The following CCDC146 variants were observed in gnomAD, a reference collection of about 807,000 sequenced individuals.
CCDC146 encodes the protein coiled-coil domain containing 146, also known as coiled-coil domain-containing protein 146.
CCDC146 carries 92 observed loss-of-function variants against 119.3 expected under a neutral mutation model. The observed-to-expected ratio is 0.77, with a 90% CI of 0.65 to 0.92. The LOEUF (loss-of-function observed/expected upper bound fraction) is 0.92. Among genes scored for constraint, CCDC146 ranks in the 40% least tolerant of loss-of-function variants. The pLI is 0.00. For synonymous variants in CCDC146, 372 were observed against 371.8 expected (o/e 1.00, Z -0.01); for missense variants, 1,000 against 1,103.0 (o/e 0.91, Z 1.32).
intron 1 of CCDC146, among the ~76,000 whole-genome samples, chr7:77,136,695 A>T (rs1790864280): frequency 6.6e-6 from 1 of 152,216 alleles, no homozygotes; most frequent in Non-Finnish European, 1.5e-5. Context: ...CAAAGCCTTT[A>T]AGGAAAAAAT....
intron 4 of CCDC146, among the ~76,000 whole-genome samples, chr7:77,254,054 A>G (rs1214125317): frequency 6.6e-6 from 1 of 152,146 alleles, no homozygotes; most frequent in Admixed American, 6.5e-5. Context: ...AAGTGAAGTG[A>G]TCTTATTTAC....
intron 2 of CCDC146, among the ~76,000 whole-genome samples, chr7:77,218,088 A>G (rs142119737): frequency 3.9e-5 from 6 of 152,218 alleles, no homozygotes; most frequent in Non-Finnish European, 7.4e-5. Flanking sequence ...TTGTGCTACA[A>G]TGTCAGGACA....
At chr7:77,186,674 CT>C (rs1791672505) in intron 2 of CCDC146, among the ~76,000 whole-genome samples, 1 of 151,924 alleles carries the variant, frequency 6.6e-6, no homozygotes, top group Non-Finnish European at 1.5e-5. Context: ...ATGAATGCCC[CT>C]ATAAACACTT....
intron 2 of CCDC146, among the ~76,000 whole-genome samples, chr7:77,171,490 C>T (rs952073317): frequency 2.5e-4 from 38 of 152,224 alleles, no homozygotes; most frequent in South Asian, 2.1e-4. Flanking sequence ...CATAGCTGCT[C>T]TCTCACTCCC....
Position 77,188,823 on chromosome 7 carries a change from C to A in CCDC146, c.156+20999C>A, listed in dbSNP as rs59328838. 5.6e-3 allele frequency among the ~76,000 whole-genome samples: 855 copies of A among 152,268 alleles called. 7 individuals are homozygous for A. The highest frequency in any genetic ancestry group is 0.019 in the African/African-American group (805 of 41,546). ...ATCTAACGTAATCTAAAATAAGTAT[C>A]TATTGCAATGGGAATGAATCTCTGC... is the stretch of plus-strand genomic sequence containing the variant. On this transcript the variant is annotated intron_variant, in intron 2 of 18. Coordinates refer to ENST00000285871, the MANE Select transcript of CCDC146 (RefSeq NM_020879.3).
chr7:77,155,197 G>A (rs1050702143), intron 1 of CCDC146, among the ~76,000 whole-genome samples: 1 of 152,204 alleles, frequency 6.6e-6, no homozygotes, highest in Non-Finnish European at 1.5e-5. Context: ...TATAAGAACA[G>A]TGTTTCTCGC....
intron 2 of CCDC146, among the ~76,000 whole-genome samples, chr7:77,176,500 C>T (rs982836590): frequency 6.9e-6 from 1 of 145,068 alleles, no homozygotes; most frequent in Non-Finnish European, 1.5e-5. Context: ...TGGCACCATA[C>T]ATGAGAGTTC....
chr7:77,139,303 A>G (rs1300224959), intron 1 of CCDC146, among the ~76,000 whole-genome samples: 1 of 152,250 alleles, frequency 6.6e-6, no homozygotes, highest in Non-Finnish European at 1.5e-5. Context: ...ACATTCTGGA[A>G]AAGGCAAAAC....
At chr7:77,235,997 G>T (rs1792728304) in intron 2 of CCDC146, among the ~76,000 whole-genome samples, 1 of 151,970 alleles carries the variant, frequency 6.6e-6, no homozygotes, top group Admixed American at 6.6e-5. Context: ...CTTAAACCCG[G>T]GAGGCAGAGG....
chr7:77,251,125 T>A (rs1377288323), intron 4 of CCDC146, among the ~76,000 whole-genome samples: 1 of 151,698 alleles, frequency 6.6e-6, no homozygotes, highest in Non-Finnish European at 1.5e-5. Context: ...AGGTTCAAGA[T>A]AATCTCCTGC....
intron 2 of CCDC146, among the ~76,000 whole-genome samples, chr7:77,228,328 G>A (rs1430404278): frequency 6.6e-6 from 1 of 152,108 alleles, no homozygotes; most frequent in African/African-American, 2.4e-5. Context: ...CCCTCTGACA[G>A]GCCCCAGTGT....
chr7:77,135,343 C>G (rs1434136463), intron 1 of CCDC146, among the ~76,000 whole-genome samples: 1 of 151,752 alleles, frequency 6.6e-6, no homozygotes, highest in Non-Finnish European at 1.5e-5. Context: ...CAAAAATTAG[C>G]CAGATGTGGT....
At chr7:77,183,793 A>T (rs889532243) in intron 2 of CCDC146, among the ~76,000 whole-genome samples, 9 of 152,202 alleles carry the variant, frequency 5.9e-5, no homozygotes, top group Non-Finnish European at 1.0e-4. Flanking sequence ...AGCTTTGGGA[A>T]CGTTGAGAAC....
rs761060191 is a variant in CCDC146 at position 77,287,449 on chromosome 7, C to T, written c.2287C>T (p.Gln763Ter). Residue 763 changes from glutamine (Q) to a stop codon, truncating the protein, a stop_gained, in exon 17 of 19, where the codon CAA becomes TAA. Transcript: ENST00000285871. LOFTEE classifies it high-confidence loss of function. ...MIQKLDKLEL[Q>*]LAKKEEKLLE... ...CAATTTTCAAACATAGCTGGAACTA[C>T]AACTGGCCAAGAAGGAGGAGAAGCT... is the stretch of plus-strand genomic sequence containing the variant. The T allele has an allele frequency of 3.1e-6, 5 of 1,613,972 alleles. No individual in the cohort carries two copies. The Admixed American group carries it at 8.3e-5, about 27-fold the overall frequency.
At chr7:77,207,661 TA>T (rs1468932864) in intron 2 of CCDC146, among the ~76,000 whole-genome samples, 1 of 152,160 alleles carries the variant, frequency 6.6e-6, no homozygotes, top group East Asian at 1.9e-4. Flanking sequence ...TCATTGAATA[TA>T]TGTTCTTAGT....
chr7:77,141,212 T>A (rs1043387715), intron 1 of CCDC146, among the ~76,000 whole-genome samples: 13 of 152,192 alleles, frequency 8.5e-5, no homozygotes, highest in Admixed American at 5.9e-4. Context: ...GAATGATGGT[T>A]TCCAGCTTCA....
intron 2 of CCDC146, among the ~76,000 whole-genome samples, chr7:77,175,139 G>C (rs1026249628): frequency 6.6e-6 from 1 of 151,476 alleles, no homozygotes; most frequent in African/African-American, 2.4e-5. Context: ...TGTGTCAGAT[G>C]CTGAACTTTT....
chr7:77,188,220 G>T (rs1045951722), intron 2 of CCDC146, among the ~76,000 whole-genome samples: 13 of 152,100 alleles, frequency 8.5e-5, no homozygotes, highest in Non-Finnish European at 1.6e-4. Flanking sequence ...TAATTCGGGT[G>T]AAGTTTTTCC....
At chr7:77,133,833 A>ACACACACACACACACACACACACT (rs1790821930) in intron 1 of CCDC146, among the ~76,000 whole-genome samples, 2 of 144,738 alleles carry the variant, frequency 1.4e-5, no homozygotes, top group Admixed American at 1.4e-4. Flanking sequence ...TTAGGTACAC[A>ACACACACACACACACACACACACT]CACACACACA....
Sources: allele counts gnomAD v4.1 joint callset (sites outside exome capture counted in the v4.1 genomes callset), GRCh38; gene constraint gnomAD v4.1.1; transcripts MANE v1.5; gene names NCBI Gene and HGNC (gene_info 2026-07-23, HGNC 2026-07-21).